Variants in L3MBTL3 observed in about 807,000 individuals in gnomAD.
L3MBTL3 encodes lethal(3)malignant brain tumor-like protein 3.
L3MBTL3 carries 27 observed loss-of-function variants against 102.3 expected under a neutral mutation model. The ratio of observed to expected loss-of-function variants is 0.26; its 90% CI spans 0.19 to 0.36. The LOEUF (loss-of-function observed/expected upper bound fraction) is 0.36. Among genes scored for constraint, L3MBTL3 ranks in the 10% least tolerant of loss-of-function variants. The pLI, the probability that L3MBTL3 is intolerant of heterozygous loss-of-function variation, is 1.00. For synonymous variants in L3MBTL3, 340 were observed against 320.9 expected (o/e 1.06, Z -0.64); for missense variants, 798 against 955.3 (o/e 0.84, Z 2.17).
intron 18 of L3MBTL3, among the ~76,000 whole-genome samples, chr6:130,099,402 CTA>C (rs1784554445): frequency 2.6e-5 from 4 of 152,176 alleles, no homozygotes; most frequent in Admixed American, 2.6e-4. Context: ...AATTAGAAGT[CTA>C]TAAGCCTAGT....
rs777095026 is a variant in L3MBTL3 at position 130,083,717 on chromosome 6, C to A, written c.1407+12C>A. On this transcript the variant is annotated intron_variant, in intron 15 of 22. Transcript: ENST00000361794. Reference sequence around the variant, plus strand: ...GAGCTTTCAAAGTGGTAAGATGATACATTTTATTAATTTGCGTGGATGAGA... The same window carrying A: ...GAGCTTTCAAAGTGGTAAGATGATAAATTTTATTAATTTGCGTGGATGAGA... 1 of 1,404,492 alleles carries A rather than the reference C, an allele frequency of 7.1e-7. No homozygotes were observed. Among genetic ancestry groups the A allele is most frequent in the South Asian group, 1.2e-5 (1 of 81,602 alleles). 87.0% of individuals were successfully genotyped at this position (1,404,492 alleles called of 1,614,324 possible). A position where few individuals can be genotyped will look rare whatever the true frequency, so the allele number is the denominator to read the frequency against.
At chr6:130,070,636 T>C (rs1185024812) in intron 12 of L3MBTL3, among the ~76,000 whole-genome samples, 1 of 152,150 alleles carries the variant, frequency 6.6e-6, no homozygotes, top group Non-Finnish European at 1.5e-5. Flanking sequence ...AAATGTGAAC[T>C]ATATGGTGAA....
At chr6:130,107,091 G>T (rs1052804357) in intron 19 of L3MBTL3, among the ~76,000 whole-genome samples, 1 of 152,142 alleles carries the variant, frequency 6.6e-6, no homozygotes, top group African/African-American at 2.4e-5. Flanking sequence ...GAGAAGCAGT[G>T]GTAGGACCCA....
At chr6:130,021,486 G>A (rs1451005501) in intron 1 of L3MBTL3, among the ~76,000 whole-genome samples, 1 of 152,180 alleles carries the variant, frequency 6.6e-6, no homozygotes, top group African/African-American at 2.4e-5. Context: ...GAGATTGATC[G>A]CTCCCTGAAT....
intron 19 of L3MBTL3, among the ~76,000 whole-genome samples, chr6:130,118,282 T>G (rs1785870951): frequency 6.6e-6 from 1 of 152,212 alleles, no homozygotes; most frequent in Non-Finnish European, 1.5e-5. Flanking sequence ...TTTCTGTGGC[T>G]ATAGTAATAA....
Position 130,078,530 on chromosome 6 carries a change from G to C in L3MBTL3, c.1245-28G>C, listed in dbSNP as rs9375704. The C allele has an allele frequency of 4.7e-6, 7 of 1,498,580 alleles. No homozygotes were observed. The East Asian group carries it at 1.4e-4, about 29-fold the overall frequency. The allele number at this position is 1,498,580 out of a possible 1,614,324, so 92.8% of individuals were successfully genotyped here. A position where few individuals can be genotyped will look rare whatever the true frequency, so the allele number is the denominator to read the frequency against. On this transcript the variant is annotated intron_variant, in intron 13 of 22. Transcript: ENST00000361794. ...TTTTTGTGAGTTTATCCTGATAATT[G>C]CAGTTTTTTAATTTGTGTAACTTTC...
intron 20 of L3MBTL3, among the ~76,000 whole-genome samples, chr6:130,124,037 T>C (rs1246734715): frequency 6.6e-6 from 1 of 152,086 alleles, no homozygotes; most frequent in East Asian, 1.9e-4. Flanking sequence ...AGAAGCAGGA[T>C]TGGGCAGACG....
chr6:130,116,774 T>TG (rs1785714687), intron 19 of L3MBTL3, among the ~76,000 whole-genome samples: 1 of 151,798 alleles, frequency 6.6e-6, no homozygotes, highest in African/African-American at 2.4e-5. Flanking sequence ...ATCGCACACT[T>TG]GCGCCTAAGC....
At chr6:130,125,990 T>A (rs1786575962) in intron 20 of L3MBTL3, among the ~76,000 whole-genome samples, 1 of 145,370 alleles carries the variant, frequency 6.9e-6, no homozygotes, top group Admixed American at 7.0e-5. Context: ...CAGTAGAGTA[T>A]GTGTAATTAT....
chr6:130,042,290 T>C (rs1012215587), intron 2 of L3MBTL3, among the ~76,000 whole-genome samples: 2 of 152,204 alleles, frequency 1.3e-5, no homozygotes, highest in East Asian at 1.9e-4. Context: ...AATTGGCAGA[T>C]TATCATTTAT....
chr6:130,021,736 A>G (rs759001041), intron 1 of L3MBTL3, among the ~76,000 whole-genome samples: 15 of 152,204 alleles, frequency 9.9e-5, no homozygotes, highest in Non-Finnish European at 2.1e-4. Context: ...CTGTATAGTT[A>G]TGTATAGTCC....
intron 15 of L3MBTL3, among the ~76,000 whole-genome samples, chr6:130,084,518 G>T (rs566932913): frequency 3.2e-4 from 48 of 152,088 alleles, no homozygotes; most frequent in African/African-American, 1.1e-3. Context: ...AAACCATAAG[G>T]CACGAAGAGA....
intron 16 of L3MBTL3, among the ~76,000 whole-genome samples, chr6:130,089,439 G>A (rs1435981128): frequency 2.0e-5 from 3 of 151,102 alleles, no homozygotes; most frequent in African/African-American, 7.4e-5. Context: ...GTGTATATGT[G>A]CCACATTTTC....
rs1231238490 is a variant in L3MBTL3 at position 130,033,320 on chromosome 6, A to G, written c.-15-9365A>G. 2.0e-5 allele frequency among the ~76,000 whole-genome samples: 3 copies of G among 152,298 alleles called. No individual in the cohort carries two copies. The East Asian group carries it at 5.8e-4, about 29-fold the overall frequency. On this transcript the variant is annotated intron_variant, in intron 2 of 22. Transcript: ENST00000361794. ...AAAATGACGTTTAGGAGTTTTGAGT[A>G]TGTCATTCTGCACCAAGTTTGACAG...
chr6:130,107,278 A>G (rs1348805184), intron 19 of L3MBTL3, among the ~76,000 whole-genome samples: 1 of 152,252 alleles, frequency 6.6e-6, no homozygotes, highest in African/African-American at 2.4e-5. Context: ...TAGGAAATGT[A>G]AAAGAGCTAC....
rs1402155687 is a variant in L3MBTL3 at position 130,092,739 on chromosome 6, A to G, written c.1519-6A>G. 2 of 1,579,080 alleles carry G rather than the reference A, an allele frequency of 1.3e-6. No individual in the cohort carries two copies. Among genetic ancestry groups the G allele is most frequent in the East Asian group, 4.5e-5 (2 of 44,660 alleles). ...TTTGTACTGTTAATGTCCTTGTGTC[A>G]TCCAGGTTCACTTTGATGGCTGGAA... On this transcript the variant is annotated splice_polypyrimidine_tract_variant and splice_region_variant and intron_variant, in intron 16 of 22. Transcript: ENST00000361794.
chr6:130,124,073 T>A (rs983097856), intron 20 of L3MBTL3, among the ~76,000 whole-genome samples: 1 of 152,328 alleles, frequency 6.6e-6, no homozygotes, highest in South Asian at 2.1e-4. Context: ...GATGTAGTTA[T>A]AGCAGAGGCC....
intron 9 of L3MBTL3, among the ~76,000 whole-genome samples, chr6:130,058,149 CAAAAAAAAAAA>C (rs61250078): frequency 1.1e-5 from 1 of 89,150 alleles, no homozygotes; most frequent in Non-Finnish European, 2.1e-5. Context: ...GACTCCGTCT[CAAAAAAAAAAA>C]AAAAAAAAAA....
At chr6:130,119,157 CTCTA>C (rs948307616) in intron 19 of L3MBTL3, among the ~76,000 whole-genome samples, 4 of 151,826 alleles carry the variant, frequency 2.6e-5, no homozygotes, top group Admixed American at 2.6e-4. Flanking sequence ...GTGTTTCTCT[CTCTA>C]TTTAAAAAAA....
Sources: gnomAD v4.1 joint callset for allele counts (sites outside exome capture counted in the v4.1 genomes callset) on GRCh38, gnomAD v4.1.1 for gene constraint, MANE v1.5 for transcripts, NCBI Gene and HGNC (gene_info 2026-07-23, HGNC 2026-07-21) for gene names.